The following SLC44A5 variants were observed in gnomAD, a reference collection of about 807,000 sequenced individuals.
SLC44A5 encodes the protein solute carrier family 44 member 5.
SLC44A5 carries 57 observed loss-of-function variants against 101.8 expected under a neutral mutation model. That is an observed-to-expected ratio of 0.56 (90% CI 0.45 to 0.70). SLC44A5 has a LOEUF of 0.70. SLC44A5 is among the 30% of genes least tolerant of loss of function. The pLI is 0.00. For missense variants in SLC44A5, 737 were observed against 853.1 expected (o/e 0.86, Z 1.70); for synonymous variants, 281 against 290.9 (o/e 0.97, Z 0.35).
intron 2 of SLC44A5, among the ~76,000 whole-genome samples, chr1:75,397,779 G>T (rs1418460178): frequency 1.3e-5 from 2 of 152,088 alleles, no homozygotes; most frequent in Non-Finnish European, 2.9e-5. Flanking sequence ...TTAGGTCTGT[G>T]TGCTCCAGAG....
chr1:75,505,165 T>C (rs1003471515), intron 2 of SLC44A5, among the ~76,000 whole-genome samples: 1 of 152,150 alleles, frequency 6.6e-6, no homozygotes, highest in African/African-American at 2.4e-5. Context: ...GCAAAGGACA[T>C]GATTTTGTTC....
At chr1:75,538,471 A>G (rs1671173509) in intron 2 of SLC44A5, among the ~76,000 whole-genome samples, 1 of 152,212 alleles carries the variant, frequency 6.6e-6, no homozygotes, top group African/African-American at 2.4e-5. Context: ...TAAATTTTAC[A>G]ATAAAGCATT....
chr1:75,293,446 T>C (rs1653723394), intron 5 of SLC44A5, among the ~76,000 whole-genome samples: 1 of 152,156 alleles, frequency 6.6e-6, no homozygotes, highest in Non-Finnish European at 1.5e-5. Flanking sequence ...CACTTGCTGG[T>C]TGGGAATGTT....
intron 2 of SLC44A5, among the ~76,000 whole-genome samples, chr1:75,441,573 A>T (rs1665204352): frequency 6.6e-6 from 1 of 151,986 alleles, no homozygotes; most frequent in African/African-American, 2.4e-5. Context: ...AATTGAATTA[A>T]ATTTGCTGGA....
chr1:75,281,714 G>A (rs1390497994), intron 5 of SLC44A5, among the ~76,000 whole-genome samples: 3 of 146,088 alleles, frequency 2.1e-5, no homozygotes, highest in Non-Finnish European at 4.5e-5. Context: ...GGCTGAAAGG[G>A]GCCAGGGTAT....
At chr1:75,352,441 T>G (rs1658756826) in intron 3 of SLC44A5, among the ~76,000 whole-genome samples, 1 of 151,988 alleles carries the variant, frequency 6.6e-6, no homozygotes, top group Admixed American at 6.6e-5. Context: ...GTTTTTTGTT[T>G]TTTTTTTAAA....
chr1:75,371,729 A>T (rs1024139810), intron 3 of SLC44A5, among the ~76,000 whole-genome samples: 4 of 152,220 alleles, frequency 2.6e-5, no homozygotes, highest in Non-Finnish European at 5.9e-5. Flanking sequence ...ACGAAAAGCT[A>T]AAATGAAGGC....
chr1:75,302,112 GTTTTTT>G (rs10684140), intron 4 of SLC44A5, among the ~76,000 whole-genome samples: 8 of 60,138 alleles, frequency 1.3e-4, no homozygotes, highest in African/African-American at 3.4e-4. Context: ...TAGTTTTTTT[GTTTTTT>G]TTTTTTTTTT....
At chr1:75,560,581 A>G (rs1274718078) in intron 1 of SLC44A5, among the ~76,000 whole-genome samples, 1 of 152,202 alleles carries the variant, frequency 6.6e-6, no homozygotes, top group Non-Finnish European at 1.5e-5. Context: ...GTTGACTGGT[A>G]TAGCATGGGA....
At chr1:75,425,802 A>G (rs191989318) in intron 2 of SLC44A5, among the ~76,000 whole-genome samples, 1 of 152,340 alleles carries the variant, frequency 6.6e-6, no homozygotes, top group East Asian at 1.9e-4. Flanking sequence ...GCAGAACATC[A>G]GAATCGCCTT....
At chr1:75,419,299 C>T (rs1015824127) in intron 2 of SLC44A5, among the ~76,000 whole-genome samples, 3 of 151,278 alleles carry the variant, frequency 2.0e-5, no homozygotes, top group African/African-American at 7.3e-5. Context: ...GTCAACCACA[C>T]CAAGGAACAA....
At chr1:75,499,961 C>A (rs1455634851) in intron 2 of SLC44A5, among the ~76,000 whole-genome samples, 2 of 152,110 alleles carry the variant, frequency 1.3e-5, no homozygotes, top group African/African-American at 4.8e-5. Context: ...TATTACTAGA[C>A]CCTGCCCATA....
intron 3 of SLC44A5, among the ~76,000 whole-genome samples, chr1:75,394,324 T>C (rs1661988574): frequency 6.6e-6 from 1 of 152,202 alleles, no homozygotes; most frequent in Non-Finnish European, 1.5e-5. Context: ...GTAATGCAGA[T>C]ACAACTCCAG....
At chr1:75,386,733 A>T (rs1661380511) in intron 3 of SLC44A5, among the ~76,000 whole-genome samples, 1 of 151,382 alleles carries the variant, frequency 6.6e-6, no homozygotes, top group African/African-American at 2.4e-5. Flanking sequence ...TGGAACCAAA[A>T]AAGAGCCCGC....
intron 3 of SLC44A5, among the ~76,000 whole-genome samples, chr1:75,361,804 T>A (rs1009064826): frequency 1.3e-5 from 2 of 152,096 alleles, no homozygotes; most frequent in Non-Finnish European, 2.9e-5. Flanking sequence ...GGCCTGTAAT[T>A]TTCTTTTTCT....
chr1:75,465,253 T>A (rs569738599), intron 2 of SLC44A5, among the ~76,000 whole-genome samples: 2 of 152,168 alleles, frequency 1.3e-5, no homozygotes, highest in East Asian at 3.9e-4. Context: ...ACTATACAAA[T>A]GCATGGAAAT....
In SLC44A5 at chr1:75,416,669, T is replaced by G. The variant is rs997467852; in HGVS notation, c.14-20048A>C. Among the ~76,000 whole-genome samples, 9 of 152,202 alleles carry G rather than the reference T, an allele frequency of 5.9e-5. No homozygotes were observed. The East Asian group carries it at 1.7e-3, about 29-fold the overall frequency. ...CCATGAAAGCAGCCGGGAAGAAGGCTGTACCCTGAAAAGCCACAGGGGCAG... is the reference window on the plus strand; with the variant it reads ...CCATGAAAGCAGCCGGGAAGAAGGCGGTACCCTGAAAAGCCACAGGGGCAG... On this transcript the variant is annotated intron_variant, in intron 2 of 23. Transcript: ENST00000370859.
chr1:75,430,573 G>A (rs780082688), intron 2 of SLC44A5, among the ~76,000 whole-genome samples: 2 of 152,134 alleles, frequency 1.3e-5, no homozygotes, highest in Non-Finnish European at 2.9e-5. Flanking sequence ...GCTCTGGAAG[G>A]GCTGTCATTG....
At position 75,378,837 on chromosome 1, in the gene SLC44A5, C is replaced by T. The variant is rs1264924161; in HGVS notation, c.52+17746G>A. Reference sequence around the variant, plus strand: ...CCGCCAGTAGCTTATCAATACTGGCCGCCGGCTGAACTTCAGTATCGGCCA... The same window carrying T: ...CCGCCAGTAGCTTATCAATACTGGCTGCCGGCTGAACTTCAGTATCGGCCA... On this transcript the variant is annotated intron_variant, in intron 3 of 23. Transcript: ENST00000370859. Among the ~76,000 whole-genome samples, 4 of 80,924 alleles carry T rather than the reference C, an allele frequency of 4.9e-5. 2 individuals are homozygous for T. Among genetic ancestry groups the T allele is most frequent in the Admixed American group, 2.4e-4 (2 of 8,286 alleles). The allele number at this position is 80,924 out of a possible 152,430, so 53.1% of individuals were successfully genotyped here. A position where few individuals can be genotyped will look rare whatever the true frequency, so the allele number is the denominator to read the frequency against.
Sources: allele counts gnomAD v4.1 joint callset (sites outside exome capture counted in the v4.1 genomes callset), GRCh38; gene constraint gnomAD v4.1.1; transcripts MANE v1.5; gene names NCBI Gene and HGNC (gene_info 2026-07-23, HGNC 2026-07-21).